FGD3: variants seen among roughly 807,000 people sequenced by gnomAD.
The protein encoded by FGD3 is FYVE, RhoGEF and PH domain-containing protein 3.
Under a neutral mutation model 71.8 loss-of-function variants are expected in FGD3, and 45 were observed. That is an observed-to-expected ratio of 0.63 (90% CI 0.49 to 0.80). FGD3 has a LOEUF of 0.80. FGD3 is among the 30% of genes least tolerant of loss of function. FGD3 has a pLI of 0.00. For synonymous variants in FGD3, 378 were observed against 392.8 expected (o/e 0.96, Z 0.44); for missense variants, 844 against 951.5 (o/e 0.89, Z 1.49).
chr9:92,990,705 AATGTG>A (rs1354012322), intron 3 of FGD3, among the ~76,000 whole-genome samples: 4 of 152,230 alleles, frequency 2.6e-5, no homozygotes, highest in Non-Finnish European at 5.9e-5. Context: ...TAGTTCTGTG[AATGTG>A]ATGTATCACA....
chr9:92,976,083 C>T, intron 2 of FGD3, 125 bp from the exon 3 acceptor site: 1 of 594,956 alleles, frequency 1.7e-6, no homozygotes, highest in South Asian at 2.5e-5. Flanking sequence ...AACCCCCAGC[C>T]CACCTGCTCC....
At chr9:92,967,816 G>T (rs1393012641) in intron 1 of FGD3, among the ~76,000 whole-genome samples, 1 of 151,932 alleles carries the variant, frequency 6.6e-6, no homozygotes, top group South Asian at 2.1e-4. Flanking sequence ...CTCGTGATCC[G>T]CCCGCCTCGG....
intron 13 of FGD3, among the ~76,000 whole-genome samples, chr9:93,020,841 T>C (rs1564167706): frequency 6.6e-6 from 1 of 152,250 alleles, no homozygotes; most frequent in Non-Finnish European, 1.5e-5. Flanking sequence ...TAGGCTGAAC[T>C]TAATTTCACC....
At chr9:92,971,676 A>T (rs1409161864) in intron 1 of FGD3, among the ~76,000 whole-genome samples, 3 of 143,218 alleles carry the variant, frequency 2.1e-5, no homozygotes, top group Non-Finnish European at 4.5e-5. Context: ...CCAGGGTTCA[A>T]GCATTTCTCC....
At chr9:93,024,422 CCA>C (rs1445580479) in intron 14 of FGD3, among the ~76,000 whole-genome samples, 2 of 152,208 alleles carry the variant, frequency 1.3e-5, no homozygotes, top group Non-Finnish European at 2.9e-5. Flanking sequence ...GCACTGCCTC[CCA>C]CACACACAGC....
chr9:92,981,935 T>C (rs959587104), intron 3 of FGD3, among the ~76,000 whole-genome samples: 1 of 152,194 alleles, frequency 6.6e-6, no homozygotes, highest in African/African-American at 2.4e-5. Flanking sequence ...GATTAGATCA[T>C]GGCAATTAAC....
intron 15 of FGD3, 138 bp downstream of exon 15, chr9:93,030,134 GATATAGA>G (rs1862300860): frequency 3.0e-6 from 3 of 984,496 alleles, no homozygotes; most frequent in Admixed American, 2.8e-5. Context: ...CTGGCTCATG[GATATAGA>G]TACCCTTGAG....
chr9:92,987,723 C>T (rs555999771), intron 3 of FGD3, among the ~76,000 whole-genome samples: 13 of 152,240 alleles, frequency 8.5e-5, no homozygotes, highest in African/African-American at 2.6e-4. Flanking sequence ...GCCCAGTGGC[C>T]CACCAGCACT....
At chr9:92,953,064 CAT>C (rs1858985457) in intron 1 of FGD3, among the ~76,000 whole-genome samples, 1 of 152,186 alleles carries the variant, frequency 6.6e-6, no homozygotes, top group Admixed American at 6.5e-5. Context: ...CCTCCCTGGG[CAT>C]ATGAGTGTTT....
chr9:92,951,792 C>A (rs376189977), intron 1 of FGD3, among the ~76,000 whole-genome samples: 1 of 152,142 alleles, frequency 6.6e-6, no homozygotes, highest in South Asian at 2.1e-4. Flanking sequence ...CATGTAGCTG[C>A]GGAGGTGGTA....
At chr9:93,011,005 G>C (rs1402882603) in intron 7 of FGD3, among the ~76,000 whole-genome samples, 2 of 152,046 alleles carry the variant, frequency 1.3e-5, no homozygotes, top group Non-Finnish European at 2.9e-5. Flanking sequence ...CCCCTGCCTG[G>C]TATTGGCCCC....
intron 1 of FGD3, among the ~76,000 whole-genome samples, chr9:92,955,199 A>G (rs1859028750): frequency 6.6e-6 from 1 of 152,202 alleles, no homozygotes; most frequent in African/African-American, 2.4e-5. Context: ...TGAGGATTCC[A>G]GCTTTACTGT....
chr9:92,953,703 G>A (rs1859000102), intron 1 of FGD3, among the ~76,000 whole-genome samples: 1 of 152,184 alleles, frequency 6.6e-6, no homozygotes, highest in Admixed American at 6.5e-5. Context: ...GAGGAAGGCA[G>A]GTAAAGTTAA....
intron 1 of FGD3, among the ~76,000 whole-genome samples, chr9:92,965,247 G>T (rs1407881679): frequency 6.6e-6 from 1 of 152,196 alleles, no homozygotes; most frequent in African/African-American, 2.4e-5. Flanking sequence ...TGTAGTTCGG[G>T]GCTGGACGTG....
chr9:92,982,105 T>C (rs1194122977), intron 3 of FGD3, among the ~76,000 whole-genome samples: 1 of 152,228 alleles, frequency 6.6e-6, no homozygotes. Flanking sequence ...TGCAATTTTA[T>C]ATCCTTTAAC....
intron 11 of FGD3, among the ~76,000 whole-genome samples, chr9:93,019,037 C>CG (rs1257488468): frequency 6.6e-6 from 1 of 152,060 alleles, no homozygotes; most frequent in African/African-American, 2.4e-5. Flanking sequence ...GAAAACCCAA[C>CG]GGGGTTTCAC....
chr9:93,007,687 T>C (rs1028804621), intron 6 of FGD3, among the ~76,000 whole-genome samples: 1 of 152,220 alleles, frequency 6.6e-6, no homozygotes, highest in African/African-American at 2.4e-5. Context: ...GCCACTGGTC[T>C]GTGCATCCCC....
rs779201920 is a variant in FGD3 at position 93,006,048 on chromosome 9, C to T, written c.705C>T (p.Asp235=). The part of the protein sequence containing the change: ...EEWDTNPRLG[D]ILQKLAPFLK... ...GGGACACAAACCCACGGCTCGGGGA[C>T]ATCCTGCAGAAGCTGGCCCCATTCC... Residue 235 remains aspartate, a synonymous_variant, in exon 6 of 18, where the codon GAC becomes GAT. Transcript: ENST00000375482. 1.8e-5 allele frequency: 29 copies of T among 1,609,690 alleles called. No individual in the cohort carries two copies. Among genetic ancestry groups the T allele is most frequent in the Non-Finnish European group, 2.3e-5 (27 of 1,178,334 alleles).
intron 8 of FGD3, among the ~76,000 whole-genome samples, chr9:93,013,432 T>A (rs764685609): frequency 2.0e-5 from 3 of 152,170 alleles, no homozygotes; most frequent in Non-Finnish European, 4.4e-5. Flanking sequence ...TGGTTACCCA[T>A]GTGACCACCC....
Sources: gnomAD v4.1 joint callset for allele counts (sites outside exome capture counted in the v4.1 genomes callset) on GRCh38, gnomAD v4.1.1 for gene constraint, MANE v1.5 for transcripts, NCBI Gene and HGNC (gene_info 2026-07-23, HGNC 2026-07-21) for gene names.